The following EFNA5 variants were observed in gnomAD, a reference collection of about 807,000 sequenced individuals.
The protein encoded by EFNA5 is ephrin A5.
In EFNA5, 5 loss-of-function variants were observed where a neutral mutation model predicts 22.9. The ratio of observed to expected loss-of-function variants is 0.22; its 90% CI spans 0.11 to 0.46. EFNA5 has a LOEUF of 0.46. EFNA5 is among the 20% of genes least tolerant of loss of function. EFNA5 has a pLI of 0.99. For synonymous variants in EFNA5, 113 were observed against 112.2 expected (o/e 1.01, Z -0.04); for missense variants, 237 against 293.3 (o/e 0.81, Z 1.40).
chr5:107,488,661 C>T (rs966576718), intron 1 of EFNA5, among the ~76,000 whole-genome samples: 1 of 152,100 alleles, frequency 6.6e-6, no homozygotes, highest in Non-Finnish European at 1.5e-5. Context: ...CTAGTGAGCC[C>T]TTAAAAGAAA....
At chr5:107,446,814 C>T (rs1222789095) in intron 1 of EFNA5, among the ~76,000 whole-genome samples, 1 of 152,062 alleles carries the variant, frequency 6.6e-6, no homozygotes, top group East Asian at 1.9e-4. Context: ...CTGACTTTCT[C>T]AAGGGGACTG....
At chr5:107,416,918 A>T (rs1748518574) in intron 2 of EFNA5, among the ~76,000 whole-genome samples, 1 of 152,206 alleles carries the variant, frequency 6.6e-6, no homozygotes, top group African/African-American at 2.4e-5. Flanking sequence ...TTAAAGCAAA[A>T]CATGCAGTAA....
chr5:107,565,305 A>G (rs1319492750), intron 1 of EFNA5, among the ~76,000 whole-genome samples: 1 of 152,214 alleles, frequency 6.6e-6, no homozygotes, highest in Non-Finnish European at 1.5e-5. Flanking sequence ...ACGCATAGCT[A>G]TGCTATGTGA....
At chr5:107,398,950 G>T (rs1580424574) in intron 2 of EFNA5, among the ~76,000 whole-genome samples, 1 of 151,920 alleles carries the variant, frequency 6.6e-6, no homozygotes, top group Admixed American at 6.6e-5. Context: ...AGTGAAGAGA[G>T]GGGTAGTGGT....
chr5:107,654,567 A>G (rs925186219), intron 1 of EFNA5, among the ~76,000 whole-genome samples: 20 of 152,148 alleles, frequency 1.3e-4, no homozygotes, highest in African/African-American at 4.8e-4. Context: ...TGTATATTCC[A>G]TTCACATTTT....
At chr5:107,555,372 G>A (rs527525006) in intron 1 of EFNA5, among the ~76,000 whole-genome samples, 1 of 152,156 alleles carries the variant, frequency 6.6e-6, no homozygotes, top group Non-Finnish European at 1.5e-5. Flanking sequence ...ATTTTTTAGT[G>A]CTTTTGTGTC....
intron 1 of EFNA5, 32 bp downstream of exon 1, chr5:107,670,457 T>A: frequency 6.5e-7 from 1 of 1,540,532 alleles, no homozygotes; most frequent in Non-Finnish European, 8.8e-7. Flanking sequence ...GAGGCCCGGG[T>A]AGCCCTGGCT....
chr5:107,440,211 G>A (rs185330634), intron 1 of EFNA5, among the ~76,000 whole-genome samples: 33 of 152,174 alleles, frequency 2.2e-4, no homozygotes, highest in African/African-American at 7.0e-4. Flanking sequence ...ACATAAGCGG[G>A]AGAAAGAAAT....
chr5:107,582,676 C>G (rs1475599153), intron 1 of EFNA5, among the ~76,000 whole-genome samples: 2 of 151,574 alleles, frequency 1.3e-5, no homozygotes, highest in Admixed American at 6.6e-5. Flanking sequence ...TTATTTTCAT[C>G]AAGCCCCAAA....
intron 1 of EFNA5, among the ~76,000 whole-genome samples, chr5:107,514,938 AT>A (rs1177440199): frequency 6.6e-6 from 1 of 152,088 alleles, no homozygotes; most frequent in African/African-American, 2.4e-5. Flanking sequence ...GCCCCAAATC[AT>A]TTTCTAACAA....
intron 1 of EFNA5, among the ~76,000 whole-genome samples, chr5:107,587,237 C>T (rs146622102): frequency 3.3e-4 from 51 of 152,250 alleles, no homozygotes; most frequent in African/African-American, 1.1e-3. Flanking sequence ...TTCCCCTTCT[C>T]CCCCTCCTGT....
intron 1 of EFNA5, among the ~76,000 whole-genome samples, chr5:107,577,052 G>C (rs991673644): frequency 1.3e-5 from 2 of 152,132 alleles, no homozygotes; most frequent in African/African-American, 2.4e-5. Context: ...TCTTAGTTTA[G>C]AAAGATCTAG....
chr5:107,612,784 G>A (rs186699040), intron 1 of EFNA5, among the ~76,000 whole-genome samples: 1 of 152,032 alleles, frequency 6.6e-6, no homozygotes, highest in Admixed American at 6.6e-5. Flanking sequence ...TTAATGAACT[G>A]CTGAGAATGG....
chr5:107,519,793 A>C (rs2112442026), intron 1 of EFNA5, among the ~76,000 whole-genome samples: 1 of 152,362 alleles, frequency 6.6e-6, no homozygotes, highest in South Asian at 2.1e-4. Flanking sequence ...AGTAATTTTA[A>C]GAAAAGGAGA....
At chr5:107,486,141 A>G (rs1263344157) in intron 1 of EFNA5, among the ~76,000 whole-genome samples, 1 of 152,232 alleles carries the variant, frequency 6.6e-6, no homozygotes, top group African/African-American at 2.4e-5. Context: ...TTTAACTCAA[A>G]TAAAATTCCA....
At chr5:107,645,433 CAT>C (rs1351663245) in intron 1 of EFNA5, among the ~76,000 whole-genome samples, 1 of 152,192 alleles carries the variant, frequency 6.6e-6, no homozygotes, top group African/African-American at 2.4e-5. Context: ...TCACTATTCA[CAT>C]GTTAATAACT....
At chr5:107,657,720 C>T (rs1750859192) in intron 1 of EFNA5, among the ~76,000 whole-genome samples, 1 of 151,966 alleles carries the variant, frequency 6.6e-6, no homozygotes. Flanking sequence ...AAGTACAAAC[C>T]GTTTTATCTC....
chr5:107,435,315 C>CTTTTTTTTTTTTTTTTTTTTT lies in EFNA5; in HGVS notation c.126-7827_126-7807dup, dbSNP rs3999107. ...TTCCTATTCTAAATCTGAAGATGCT[C>CTTTTTTTTTTTTTTTTTTTTT]TTTTTTTTTTTTTTTTTTTTTTGCT... On this transcript the variant is annotated intron_variant, in intron 1 of 4. Coordinates refer to ENST00000333274, the MANE Select transcript of EFNA5 (RefSeq NM_001962.3). Among the ~76,000 whole-genome samples the CTTTTTTTTTTTTTTTTTTTTT allele has an allele frequency of 7.6e-5, 8 of 104,644 alleles. 1 individual carries two copies. Among genetic ancestry groups the CTTTTTTTTTTTTTTTTTTTTT allele is most frequent in the African/African-American group, 2.4e-4 (6 of 25,164 alleles). The allele number at this position is 104,644 out of a possible 152,430, so 68.7% of individuals were successfully genotyped here. A position where few individuals can be genotyped will look rare whatever the true frequency, so the allele number is the denominator to read the frequency against.
chr5:107,446,348 T>G (rs1189520910), intron 1 of EFNA5, among the ~76,000 whole-genome samples: 1 of 152,248 alleles, frequency 6.6e-6, no homozygotes, highest in Non-Finnish European at 1.5e-5. Flanking sequence ...AAAAGCATCC[T>G]GAGAATCTCA....
Sources: allele counts gnomAD v4.1 joint callset (sites outside exome capture counted in the v4.1 genomes callset), GRCh38; gene constraint gnomAD v4.1.1; transcripts MANE v1.5; gene names NCBI Gene and HGNC (gene_info 2026-07-23, HGNC 2026-07-21).